The following PRELID2 variants were observed in gnomAD, a reference collection of about 807,000 sequenced individuals.
PRELID2 encodes the protein PRELI domain containing 2, also known as PRELI domain-containing protein 2.
A neutral mutation model predicts 28.4 loss-of-function variants in PRELID2; 25 were observed. The ratio of observed to expected loss-of-function variants is 0.88; its 90% CI spans 0.64 to 1.23. PRELID2 has a LOEUF of 1.23. Ranked by LOEUF, PRELID2 falls within the 50% of genes most tolerant of loss-of-function variation. PRELID2 has a pLI of 0.00. For synonymous variants in PRELID2, 76 were observed against 71.6 expected, an observed-to-expected ratio of 1.06 and a Z score of -0.31; for missense variants, 201 against 214.4, an observed-to-expected ratio of 0.94 and a Z score of 0.39.
At chr5:145,350,834 G>A in the PRELID2 span, among the ~76,000 whole-genome samples, 1 of 152,116 alleles carries the variant, frequency 6.6e-6, no homozygotes, top group African/African-American at 2.4e-5. Context: ...GAAGCCTGCA[G>A]GCTTCCAGGT....
At chr5:145,737,444 A>G (rs960041948) in intron 1 of PRELID2, among the ~76,000 whole-genome samples, 15 of 151,704 alleles carry the variant, frequency 9.9e-5, no homozygotes, top group African/African-American at 3.6e-4. Flanking sequence ...AAACAAAAAC[A>G]AAAAAAATAA....
the PRELID2 span, among the ~76,000 whole-genome samples, chr5:145,385,962 G>A: frequency 2.6e-5 from 4 of 151,998 alleles, no homozygotes; most frequent in African/African-American, 9.7e-5. Flanking sequence ...TAATCCCTAT[G>A]TGTCAAGGGA....
intron 1 of PRELID2, among the ~76,000 whole-genome samples, chr5:145,557,467 G>C (rs1033952595): frequency 6.6e-6 from 1 of 152,126 alleles, no homozygotes; most frequent in South Asian, 2.1e-4. Flanking sequence ...GCCAGAGCAG[G>C]ACTACAACAA....
chr5:145,388,171 G>A, the PRELID2 span, among the ~76,000 whole-genome samples: 3 of 152,052 alleles, frequency 2.0e-5, no homozygotes, highest in African/African-American at 7.2e-5. Context: ...TTTGAAAAAT[G>A]GGGTAAAAAT....
At chr5:145,410,107 C>T in the PRELID2 span, among the ~76,000 whole-genome samples, 1 of 152,132 alleles carries the variant, frequency 6.6e-6, no homozygotes, top group Admixed American at 6.5e-5. Context: ...TGGTAAGCCA[C>T]ATGTAGAAAA....
At chr5:145,421,392 T>A in the PRELID2 span, among the ~76,000 whole-genome samples, 4 of 151,024 alleles carry the variant, frequency 2.6e-5, no homozygotes, top group Non-Finnish European at 5.9e-5. Context: ...AAGCTATTGA[T>A]TATTGCCACA....
Position 145,789,170 on chromosome 5 carries a change from CA to C in PRELID2, c.474+7271del, listed in dbSNP as rs1752201047. Among the ~76,000 whole-genome samples the C allele has an allele frequency of 2.6e-5, 4 of 152,238 alleles. No homozygotes were observed. The South Asian group carries it at 8.3e-4, about 32-fold the overall frequency. On this transcript the variant is annotated intron_variant, in intron 5 of 6. Coordinates refer to ENST00000683046, the MANE Select transcript of PRELID2 (RefSeq NM_205846.3). ...CAATTCTAAAATTCACATGGAACCA[CA>C]AAAGACCTCAAATAACCACAGTAAT...
intron 1 of PRELID2, among the ~76,000 whole-genome samples, chr5:145,740,939 TAC>T (rs1561567053): frequency 2.0e-4 from 8 of 40,308 alleles, no homozygotes; most frequent in East Asian, 1.2e-3. Context: ...AATATATATG[TAC>T]ATATATTTAT....
intron 1 of PRELID2, among the ~76,000 whole-genome samples, chr5:145,522,124 G>C (rs897726377): frequency 6.6e-6 from 1 of 152,066 alleles, no homozygotes; most frequent in African/African-American, 2.4e-5. Context: ...TTTGCTTCAA[G>C]TTTTTCTTTA....
intron 1 of PRELID2, among the ~76,000 whole-genome samples, chr5:145,589,008 C>T (rs573978374): frequency 6.6e-6 from 1 of 152,206 alleles, no homozygotes; most frequent in African/African-American, 2.4e-5. Flanking sequence ...TTTATTACCA[C>T]CTCAACTGTT....
chr5:145,773,662 T>C (rs1758240200), intron 5 of PRELID2, among the ~76,000 whole-genome samples: 1 of 152,208 alleles, frequency 6.6e-6, no homozygotes, highest in African/African-American at 2.4e-5. Flanking sequence ...CACCAGACCA[T>C]CCCAGTACCA....
intron 1 of PRELID2, among the ~76,000 whole-genome samples, chr5:145,562,154 T>C (rs1291879048): frequency 1.3e-5 from 2 of 152,206 alleles, no homozygotes; most frequent in Non-Finnish European, 2.9e-5. Flanking sequence ...AGATGGCTTG[T>C]GGCATTAAGT....
At chr5:145,602,156 A>T (rs182183645) in intron 1 of PRELID2, among the ~76,000 whole-genome samples, 1 of 152,304 alleles carries the variant, frequency 6.6e-6, no homozygotes, top group Non-Finnish European at 1.5e-5. Context: ...GCTGGTATAT[A>T]AAATATAATA....
chr5:145,510,085 T>C (rs1467014089), intron 1 of PRELID2, among the ~76,000 whole-genome samples: 3 of 152,208 alleles, frequency 2.0e-5, no homozygotes, highest in African/African-American at 7.2e-5. Context: ...TCATTCAACT[T>C]GCTTGGCTAT....
the PRELID2 span, among the ~76,000 whole-genome samples, chr5:145,231,872 G>A: frequency 7.2e-5 from 11 of 152,058 alleles, no homozygotes; most frequent in African/African-American, 2.7e-4. Context: ...ATGGAGCAAT[G>A]GAGGAGACAT....
chr5:145,485,963 T>A (rs1283954053), intron 1 of PRELID2, among the ~76,000 whole-genome samples: 1 of 152,250 alleles, frequency 6.6e-6, no homozygotes. Context: ...CAGGGATGCA[T>A]GCTTTCATTG....
At chr5:145,493,670 C>T (rs746863565) in intron 1 of PRELID2, among the ~76,000 whole-genome samples, 10 of 152,156 alleles carry the variant, frequency 6.6e-5, no homozygotes, top group Admixed American at 4.6e-4. Flanking sequence ...GCTCTCGCTA[C>T]CTGAAAAGTC....
intron 1 of PRELID2, among the ~76,000 whole-genome samples, chr5:145,523,288 T>C (rs377695633): frequency 6.6e-6 from 1 of 152,336 alleles, no homozygotes; most frequent in East Asian, 1.9e-4. Context: ...AGTTATTATT[T>C]TGTACAACAT....
the PRELID2 span, among the ~76,000 whole-genome samples, chr5:145,427,498 C>T: frequency 1.2e-4 from 19 of 152,064 alleles, no homozygotes; most frequent in East Asian, 1.9e-4. Flanking sequence ...TAGTGGAGAG[C>T]GCAGAATCAG....
Sources: allele counts gnomAD v4.1 joint callset (sites outside exome capture counted in the v4.1 genomes callset), GRCh38; gene constraint gnomAD v4.1.1; transcripts MANE v1.5; gene names NCBI Gene and HGNC (gene_info 2026-07-23, HGNC 2026-07-21).